ANXA3: variants seen among roughly 807,000 people sequenced by gnomAD.
ANXA3 encodes the protein 35-alpha calcimedin.
Under a neutral mutation model 48.8 loss-of-function variants are expected in ANXA3, and 46 were observed. The ratio of observed to expected loss-of-function variants is 0.94; its 90% CI spans 0.74 to 1.21. The LOEUF is 1.21. Among genes scored for constraint, ANXA3 ranks in the 50% most tolerant of loss-of-function variants. The probability of loss-of-function intolerance (pLI) is 0.00; values close to 1 mark genes in which losing one functional copy is unlikely to be tolerated. For missense variants in ANXA3, 383 were observed against 378.6 expected, an observed-to-expected ratio of 1.01 and a Z score of -0.10; for synonymous variants, 128 against 134.7, an observed-to-expected ratio of 0.95 and a Z score of 0.35.
At chr4:78,585,330 C>T (rs1723149221) in intron 5 of ANXA3, among the ~76,000 whole-genome samples, 3 of 152,212 alleles carry the variant, frequency 2.0e-5, no homozygotes, top group Admixed American at 1.3e-4. Flanking sequence ...GAGGCTCTGC[C>T]GTCTTTAACT....
At chr4:78,551,927 G>A (rs1207853672) in intron 1 of ANXA3, 68 bp downstream of exon 1, 1 of 152,314 alleles carries the variant, frequency 6.6e-6, no homozygotes, top group Non-Finnish European at 1.5e-5. Context: ...GGTGGCTTGG[G>A]GAGGTCGCGG....
intron 4 of ANXA3, among the ~76,000 whole-genome samples, chr4:78,579,736 C>G (rs1357409752): frequency 1.3e-5 from 2 of 152,056 alleles, no homozygotes; most frequent in Non-Finnish European, 2.9e-5. Flanking sequence ...TGAGACCAGC[C>G]TGGCCAACAT....
Position 78,610,193 on chromosome 4 carries a change from A to G in ANXA3, c.*78A>G. 9.8e-7 allele frequency: 1 copy of G among 1,024,772 alleles called. No individual in the cohort carries two copies. Among genetic ancestry groups the G allele is most frequent in the Non-Finnish European group, 1.5e-6 (1 of 685,516 alleles). The allele number at this position is 1,024,772 out of a possible 1,614,324, so 63.5% of individuals were successfully genotyped here. On this transcript the variant is annotated 3_prime_UTR_variant, in exon 13 of 13. Coordinates refer to ENST00000264908, the MANE Select transcript of ANXA3 (RefSeq NM_005139.3). ...CTTACTTCTTCTCATACTATTTAAG[A>G]GAACAAGCAAATATAAACAGCAACT...
intron 11 of ANXA3, chr4:78,602,166 G>A (rs1723556882): frequency 6.6e-6 from 1 of 150,828 alleles, no homozygotes; most frequent in Admixed American, 6.6e-5. Flanking sequence ...CTTGAACCCA[G>A]GAGGCAGAGG....
At chr4:78,582,973 T>A (rs1723103142) in intron 5 of ANXA3, among the ~76,000 whole-genome samples, 1 of 152,214 alleles carries the variant, frequency 6.6e-6, no homozygotes, top group Non-Finnish European at 1.5e-5. Context: ...TGTGGCTTTT[T>A]AAAATTCTAT....
intron 1 of ANXA3, among the ~76,000 whole-genome samples, chr4:78,553,420 GC>G (rs1291988777): frequency 6.6e-6 from 1 of 152,132 alleles, no homozygotes; most frequent in African/African-American, 2.4e-5. Flanking sequence ...CTCGTTCAAT[GC>G]TGGCAACACC....
chr4:78,595,220 G>C (rs958934547), intron 7 of ANXA3, among the ~76,000 whole-genome samples, 161 bp from the exon 8 acceptor site: 4 of 152,172 alleles, frequency 2.6e-5, no homozygotes, highest in Non-Finnish European at 5.9e-5. Flanking sequence ...TTCATGACTA[G>C]TCAATGGCAG....
chr4:78,574,359 G>T (rs1722905739), intron 3 of ANXA3, among the ~76,000 whole-genome samples: 1 of 152,144 alleles, frequency 6.6e-6, no homozygotes, highest in South Asian at 2.1e-4. Flanking sequence ...GGTTGAGGCT[G>T]CCCTGAGCTG....
chr4:78,591,190 C>T (rs1484552328), intron 6 of ANXA3, among the ~76,000 whole-genome samples: 1 of 152,164 alleles, frequency 6.6e-6, no homozygotes, highest in Non-Finnish European at 1.5e-5. Context: ...GGTTAGGGTT[C>T]TCTTAGTATG....
At chr4:78,566,610 A>AT (rs1722736708) in intron 2 of ANXA3, among the ~76,000 whole-genome samples, 2 of 148,496 alleles carry the variant, frequency 1.3e-5, no homozygotes, top group South Asian at 2.3e-4. Context: ...GGAGCTAAAC[A>AT]ATGGGTACAC....
intron 10 of ANXA3, among the ~76,000 whole-genome samples, chr4:78,599,553 C>G (rs76967186): frequency 0.023 from 3,445 of 152,102 alleles, 118 homozygotes; most frequent in African/African-American, 0.077. Context: ...TTTCAGAAAC[C>G]TGAAAGACTG....
chr4:78,600,292 C>T (rs954234512), intron 10 of ANXA3, among the ~76,000 whole-genome samples: 1 of 152,148 alleles, frequency 6.6e-6, no homozygotes, highest in African/African-American at 2.4e-5. Context: ...GCCTCCTTCC[C>T]ACTGAAACAT....
chr4:78,582,443 G>A, intron 5 of ANXA3, 153 bp downstream of exon 5: 2 of 544,362 alleles, frequency 3.7e-6, no homozygotes, highest in Non-Finnish European at 6.7e-6. Context: ...ATAGGCAACA[G>A]CTATAGAACC....
chr4:78,554,556 G>T (rs948007578), intron 2 of ANXA3, 68 bp downstream of exon 2: 5 of 1,433,328 alleles, frequency 3.5e-6, no homozygotes, highest in Admixed American at 3.4e-5. Context: ...AGAAGGTCAA[G>T]ATAGCAAGGA....
intron 2 of ANXA3, among the ~76,000 whole-genome samples, chr4:78,557,352 G>A (rs1291425986): frequency 2.6e-5 from 4 of 152,152 alleles, no homozygotes; most frequent in East Asian, 1.9e-4. Context: ...TTAAGGGTGC[G>A]TGTGATTAAA....
At chr4:78,577,290 TAAAG>T (rs1339185053) in intron 3 of ANXA3, among the ~76,000 whole-genome samples, 1 of 152,022 alleles carries the variant, frequency 6.6e-6, no homozygotes, top group Non-Finnish European at 1.5e-5. Context: ...GAGAATAAGA[TAAAG>T]AAAGGAATCT....
At chr4:78,552,253 A>G (rs1205949538) in intron 1 of ANXA3, 1 of 152,362 alleles carries the variant, frequency 6.6e-6, no homozygotes, top group Non-Finnish European at 1.5e-5. Context: ...GGACAGAAAA[A>G]AGCTGGGAGT....
intron 2 of ANXA3, among the ~76,000 whole-genome samples, chr4:78,562,732 A>G (rs1722650797): frequency 1.3e-5 from 2 of 152,246 alleles, no homozygotes; most frequent in South Asian, 4.1e-4. Flanking sequence ...GTATAAAAAG[A>G]CAGTTTTAAG....
At chr4:78,606,825 G>A (rs1254383504) in intron 12 of ANXA3, among the ~76,000 whole-genome samples, 3 of 152,094 alleles carry the variant, frequency 2.0e-5, no homozygotes, top group African/African-American at 7.2e-5. Flanking sequence ...TTGAAATCAG[G>A]AACTTACTCA....
Sources: allele counts gnomAD v4.1 joint callset (sites outside exome capture counted in the v4.1 genomes callset), GRCh38; gene constraint gnomAD v4.1.1; transcripts MANE v1.5; gene names NCBI Gene and HGNC (gene_info 2026-07-23, HGNC 2026-07-21).